ENOX1: variants seen among roughly 807,000 people sequenced by gnomAD.
ENOX1 encodes ecto-NOX disulfide-thiol exchanger 1.
In ENOX1, 42 loss-of-function variants were observed where a neutral mutation model predicts 82.5. The observed-to-expected ratio is 0.51, with a 90% CI of 0.40 to 0.66. ENOX1 has a LOEUF of 0.66. Ranked by LOEUF, ENOX1 falls within the 30% of genes least tolerant of loss-of-function variation. The probability of loss-of-function intolerance (pLI) is 0.00; values close to 1 mark genes in which losing one functional copy is unlikely to be tolerated. For missense variants in ENOX1, 608 were observed against 811.6 expected, an observed-to-expected ratio of 0.75 and a Z score of 3.05; for synonymous variants, 271 against 282.2, an observed-to-expected ratio of 0.96 and a Z score of 0.40.
intron 5 of ENOX1, among the ~76,000 whole-genome samples, chr13:43,363,317 C>T (rs2050645014): frequency 6.6e-6 from 1 of 151,928 alleles, no homozygotes; most frequent in Non-Finnish European, 1.5e-5. Flanking sequence ...AGGTCTTTGC[C>T]TCAGTATTTA....
intron 2 of ENOX1, among the ~76,000 whole-genome samples, chr13:43,502,103 C>T (rs1040996260): frequency 2.6e-5 from 4 of 151,348 alleles, no homozygotes; most frequent in African/African-American, 4.8e-5. Flanking sequence ...ACAATATATA[C>T]GAACACATTG....
chr13:43,411,197 G>GT (rs201357706), intron 5 of ENOX1, among the ~76,000 whole-genome samples: 1,733 of 151,922 alleles, frequency 0.011, 15 homozygotes, highest in Non-Finnish European at 0.016. Context: ...GTTTTGTTTT[G>GT]TTTTTTTCAA....
chr13:43,605,016 C>G (rs1215971406), intron 2 of ENOX1, among the ~76,000 whole-genome samples: 1 of 151,932 alleles, frequency 6.6e-6, no homozygotes, highest in Non-Finnish European at 1.5e-5. Flanking sequence ...TTTACAACAG[C>G]TACAGATAAA....
At chr13:43,280,806 T>G (rs1180595780) in intron 12 of ENOX1, among the ~76,000 whole-genome samples, 1 of 152,170 alleles carries the variant, frequency 6.6e-6, no homozygotes, top group Admixed American at 6.5e-5. Context: ...AGGAGCAGGG[T>G]AAAGAGAGAA....
At chr13:43,508,401 C>T (rs1410100125) in intron 2 of ENOX1, among the ~76,000 whole-genome samples, 1 of 151,990 alleles carries the variant, frequency 6.6e-6, no homozygotes, top group Non-Finnish European at 1.5e-5. Flanking sequence ...TTTCCAACCT[C>T]TAAACTTAGA....
intron 3 of ENOX1, among the ~76,000 whole-genome samples, chr13:43,442,878 C>T (rs746812511): frequency 6.6e-6 from 1 of 152,038 alleles, no homozygotes; most frequent in Non-Finnish European, 1.5e-5. Context: ...AATTTTATGA[C>T]AGCGAGAGGA....
At chr13:43,360,141 G>T in intron 6 of ENOX1, 84 bp from the exon 7 acceptor site, 2 of 1,265,342 alleles carry the variant, frequency 1.6e-6, no homozygotes, top group Non-Finnish European at 2.3e-6. Context: ...AGCTTGCAGA[G>T]TAACTTTCTC....
chr13:43,308,016 G>A (rs1376224864), intron 11 of ENOX1, among the ~76,000 whole-genome samples: 3 of 152,184 alleles, frequency 2.0e-5, no homozygotes, highest in African/African-American at 4.8e-5. Flanking sequence ...TTGGCGAGTG[G>A]CCAGGCATGC....
intron 5 of ENOX1, among the ~76,000 whole-genome samples, chr13:43,383,148 C>T (rs987428587): frequency 3.9e-5 from 6 of 152,072 alleles, no homozygotes; most frequent in Non-Finnish European, 5.9e-5. Flanking sequence ...TGAAGACTGT[C>T]GATGATTTGG....
At chr13:43,635,150 A>C (rs150022797) in intron 2 of ENOX1, among the ~76,000 whole-genome samples, 330 of 152,332 alleles carry the variant, frequency 2.2e-3, no homozygotes, top group Middle Eastern at 0.014. Context: ...GTAGGGGATA[A>C]AAAGGGGATT....
At chr13:43,720,580 G>A (rs1167863249) in intron 1 of ENOX1, among the ~76,000 whole-genome samples, 1 of 152,216 alleles carries the variant, frequency 6.6e-6, no homozygotes, top group Non-Finnish European at 1.5e-5. Flanking sequence ...TTCACTCTTA[G>A]AAACTCCATC....
chr13:43,639,112 TG>T (rs11323895), intron 2 of ENOX1, among the ~76,000 whole-genome samples: 102,389 of 151,878 alleles, frequency 0.67, 35,015 homozygotes, highest in East Asian at 0.95. Flanking sequence ...GAGACCAGCC[TG>T]GCCAACAGGG....
At chr13:43,608,088 GA>G (rs2082048836) in intron 2 of ENOX1, among the ~76,000 whole-genome samples, 1 of 152,112 alleles carries the variant, frequency 6.6e-6, no homozygotes, top group Admixed American at 6.6e-5. Flanking sequence ...ATGTGTTCCT[GA>G]AAAATACTTT....
intron 2 of ENOX1, among the ~76,000 whole-genome samples, chr13:43,631,687 G>A (rs1356535135): frequency 1.3e-5 from 2 of 152,052 alleles, no homozygotes; most frequent in African/African-American, 4.8e-5. Context: ...ATATCTACAC[G>A]CAAGTAGGCT....
chr13:43,226,999 T>C (rs2042055640), intron 15 of ENOX1, among the ~76,000 whole-genome samples: 1 of 150,708 alleles, frequency 6.6e-6, no homozygotes, highest in Non-Finnish European at 1.5e-5. Context: ...TCATATTTAA[T>C]ATTCCCCCTG....
intron 1 of ENOX1, among the ~76,000 whole-genome samples, chr13:43,733,761 T>C (rs1451019687): frequency 6.6e-6 from 1 of 152,176 alleles, no homozygotes; most frequent in Non-Finnish European, 1.5e-5. Flanking sequence ...TAACATCCAG[T>C]ACCTGTGAAT....
chr13:43,294,240 G>A (rs1242280948), intron 12 of ENOX1, among the ~76,000 whole-genome samples: 3 of 152,166 alleles, frequency 2.0e-5, no homozygotes, highest in Non-Finnish European at 4.4e-5. Context: ...GCACTTTTAT[G>A]ATCAGCAGTT....
intron 2 of ENOX1, among the ~76,000 whole-genome samples, chr13:43,584,838 AC>A (rs1411757109): frequency 6.6e-6 from 1 of 152,090 alleles, no homozygotes; most frequent in African/African-American, 2.4e-5. Context: ...GACCAGCCTG[AC>A]TACAATCATT....
At chr13:43,273,040 C>T (rs988208086) in intron 12 of ENOX1, among the ~76,000 whole-genome samples, 2 of 152,194 alleles carry the variant, frequency 1.3e-5, no homozygotes, top group Non-Finnish European at 2.9e-5. Context: ...ATCACATGTG[C>T]TGGTGCTTTA....
Sources: allele counts gnomAD v4.1 joint callset (sites outside exome capture counted in the v4.1 genomes callset), GRCh38; gene constraint gnomAD v4.1.1; transcripts MANE v1.5; gene names NCBI Gene and HGNC (gene_info 2026-07-23, HGNC 2026-07-21).